Variants in UBE2H observed in about 807,000 individuals in gnomAD.
UBE2H encodes ubiquitin conjugating enzyme E2 H, also known as ubiquitin-conjugating enzyme E2 H.
UBE2H carries 3 observed loss-of-function variants against 29.0 expected under a neutral mutation model. The observed-to-expected ratio is 0.10, with a 90% confidence interval of 0.05 to 0.27. The LOEUF (loss-of-function observed/expected upper bound fraction) is 0.27. Among genes scored for constraint, UBE2H ranks in the 10% least tolerant of loss-of-function variants. The pLI, the probability that UBE2H is intolerant of heterozygous loss-of-function variation, is 1.00. For synonymous variants in UBE2H, 69 were observed against 82.9 expected (o/e 0.83, Z 0.91); for missense variants, 68 against 228.2 (o/e 0.30, Z 4.52).
chr7:129,928,809 G>C (rs1807326569), intron 1 of UBE2H, among the ~76,000 whole-genome samples: 1 of 151,946 alleles, frequency 6.6e-6, no homozygotes, highest in Non-Finnish European at 1.5e-5. Context: ...CATATATAAA[G>C]AGGAGAAAAT....
chr7:129,919,852 C>T (rs1472894963), intron 1 of UBE2H, among the ~76,000 whole-genome samples: 2 of 152,178 alleles, frequency 1.3e-5, no homozygotes, highest in Non-Finnish European at 2.9e-5. Flanking sequence ...TGAGAAAACA[C>T]TGGGATACCA....
At chr7:129,864,201 A>G (rs1805853669) in intron 3 of UBE2H, among the ~76,000 whole-genome samples, 1 of 152,248 alleles carries the variant, frequency 6.6e-6, no homozygotes, top group South Asian at 2.1e-4. Context: ...TGGCAAAGCC[A>G]TTTACATTCT....
chr7:129,928,163 C>T (rs1394386215), intron 1 of UBE2H, among the ~76,000 whole-genome samples: 1 of 151,202 alleles, frequency 6.6e-6, no homozygotes, highest in African/African-American at 2.4e-5. Context: ...AAACCCTGTG[C>T]CTACTAAAAA....
intron 1 of UBE2H, among the ~76,000 whole-genome samples, chr7:129,931,688 A>G (rs1807403774): frequency 1.3e-5 from 2 of 152,140 alleles, no homozygotes; most frequent in South Asian, 2.1e-4. Context: ...ACTTTAACAG[A>G]CTTTTCAGAT....
chr7:129,904,865 AC>A (rs2116431472), intron 1 of UBE2H, among the ~76,000 whole-genome samples: 1 of 152,352 alleles, frequency 6.6e-6, no homozygotes, highest in Admixed American at 6.5e-5. Context: ...CTGAAGAGGC[AC>A]ACTGAAGGTG....
intron 1 of UBE2H, among the ~76,000 whole-genome samples, chr7:129,928,121 T>A (rs1371359679): frequency 6.6e-6 from 1 of 151,004 alleles, no homozygotes. Flanking sequence ...TCATGAGGTC[T>A]GGGGTTCAAG....
At chr7:129,882,792 G>A (rs138489904) in intron 1 of UBE2H, among the ~76,000 whole-genome samples, 2 of 152,112 alleles carry the variant, frequency 1.3e-5, no homozygotes, top group East Asian at 3.9e-4. Flanking sequence ...TGCTTAAAAT[G>A]TTTTAAAACT....
intron 5 of UBE2H, among the ~76,000 whole-genome samples, chr7:129,846,401 C>T (rs1204798216): frequency 1.3e-5 from 2 of 150,322 alleles, no homozygotes; most frequent in Non-Finnish European, 3.0e-5. Context: ...GGCATGGTGG[C>T]ATGTGCCTGT....
chr7:129,876,664 A>G (rs1207646474), intron 3 of UBE2H, among the ~76,000 whole-genome samples: 1 of 152,196 alleles, frequency 6.6e-6, no homozygotes, highest in Non-Finnish European at 1.5e-5. Context: ...ATCCAGCTTC[A>G]AAGCATCAAG....
At chr7:129,878,975 TGACAGGTA>T (rs1806202372) in intron 3 of UBE2H, among the ~76,000 whole-genome samples, 5 of 151,340 alleles carry the variant, frequency 3.3e-5, no homozygotes, top group African/African-American at 1.2e-4. Context: ...TCAATGGGGG[TGACAGGTA>T]AATAACATCA....
In UBE2H at chr7:129,952,795, TC is replaced by T. The variant is rs2116549110; in HGVS notation, c.-241del. On this transcript the variant is annotated 5_prime_UTR_variant, in exon 1 of 7. Transcript: ENST00000355621. ...CGGGCTGCCCCTCTCCGGCTGTGGTTCCGCCGCGGCCCTGCCCCGGCGCTCC... is the reference window on the plus strand; with the variant it reads ...CGGGCTGCCCCTCTCCGGCTGTGGTTCGCCGCGGCCCTGCCCCGGCGCTCC... 1 of 321,756 alleles carries T rather than the reference TC, an allele frequency of 3.1e-6. No individual in the cohort carries two copies. The highest frequency in any genetic ancestry group is 5.2e-5 in the East Asian group (1 of 19,350). 19.9% of individuals were successfully genotyped at this position (321,756 alleles called of 1,614,324 possible).
At chr7:129,881,201 C>T (rs974063860) in intron 1 of UBE2H, among the ~76,000 whole-genome samples, 6 of 152,186 alleles carry the variant, frequency 3.9e-5, no homozygotes, top group Admixed American at 1.3e-4. Context: ...ATGCCATTTA[C>T]TGAGTTTTTG....
chr7:129,835,144 C>T (rs755570715), intron 6 of UBE2H, 83 bp from the exon 7 acceptor site: 21 of 1,592,854 alleles, frequency 1.3e-5, no homozygotes, highest in East Asian at 2.2e-5. Flanking sequence ...GGCAAGGCTG[C>T]GGAGGTTCAA....
At chr7:129,851,590 C>T (rs1805610727) in intron 5 of UBE2H, among the ~76,000 whole-genome samples, 1 of 152,178 alleles carries the variant, frequency 6.6e-6, no homozygotes, top group Non-Finnish European at 1.5e-5. Flanking sequence ...GTTACATTTA[C>T]ATATAATCAA....
intron 1 of UBE2H, among the ~76,000 whole-genome samples, chr7:129,907,283 C>T (rs75278488): frequency 0.064 from 9,661 of 152,074 alleles, 369 homozygotes; most frequent in Non-Finnish European, 0.092. Context: ...CCAAAACAAG[C>T]GGTATGACAG....
chr7:129,933,817 T>G (rs768299642), intron 1 of UBE2H, among the ~76,000 whole-genome samples: 4 of 152,140 alleles, frequency 2.6e-5, no homozygotes, highest in Admixed American at 2.0e-4. Flanking sequence ...TTGCTGAGCA[T>G]CTACTACACA....
intron 3 of UBE2H, among the ~76,000 whole-genome samples, chr7:129,870,434 G>A (rs1489603223): frequency 6.6e-6 from 1 of 152,146 alleles, no homozygotes; most frequent in Non-Finnish European, 1.5e-5. Context: ...AGAGCAACAT[G>A]GTGAAACCCA....
At chr7:129,871,173 A>G (rs1806022088) in intron 3 of UBE2H, among the ~76,000 whole-genome samples, 1 of 152,220 alleles carries the variant, frequency 6.6e-6, no homozygotes, top group East Asian at 1.9e-4. Context: ...CTGTATCTAC[A>G]GCACCCAGAA....
intron 5 of UBE2H, among the ~76,000 whole-genome samples, chr7:129,844,484 C>T (rs1190565540): frequency 2.0e-5 from 3 of 152,052 alleles, no homozygotes; most frequent in South Asian, 4.1e-4. Context: ...AATGATAAAA[C>T]GATAAAAATG....
Sources: gnomAD v4.1 joint callset for allele counts (sites outside exome capture counted in the v4.1 genomes callset) on GRCh38, gnomAD v4.1.1 for gene constraint, MANE v1.5 for transcripts, NCBI Gene and HGNC (gene_info 2026-07-23, HGNC 2026-07-21) for gene names.